The following SH3PXD2B variants were observed in gnomAD, a reference collection of about 807,000 sequenced individuals.
SH3PXD2B encodes SH3 and PX domains 2B.
In SH3PXD2B, 37 loss-of-function variants were observed where a neutral mutation model predicts 73.1. The observed-to-expected ratio is 0.51, with a 90% CI of 0.39 to 0.67. The LOEUF (loss-of-function observed/expected upper bound fraction) is 0.67, where lower values mean the gene tolerates loss of function less well. Among genes scored for constraint, SH3PXD2B ranks in the 30% least tolerant of loss-of-function variants. SH3PXD2B has a pLI of 0.00. For missense variants in SH3PXD2B, 1,053 were observed against 1,197.8 expected (o/e 0.88, Z 1.78); for synonymous variants, 457 against 480.5 (o/e 0.95, Z 0.64).
At chr5:172,352,363 T>C (rs952855665) in intron 9 of SH3PXD2B, among the ~76,000 whole-genome samples, 13 of 152,032 alleles carry the variant, frequency 8.6e-5, no homozygotes, top group African/African-American at 3.1e-4. Context: ...TAGCTGGGAC[T>C]ACAGGCGTGC....
At chr5:172,359,387 C>CAAAAAAAAAAAAAAAAAAAAAAAAAAAA (rs70982393) in intron 7 of SH3PXD2B, among the ~76,000 whole-genome samples, 1 of 84,080 alleles carries the variant, frequency 1.2e-5, no homozygotes, top group African/African-American at 4.8e-5. Flanking sequence ...ACCCCCATCT[C>CAAAAAAAAAAAAAAAAAAAAAAAAAAAA]AAAAAAAAAA....
Position 172,401,168 on chromosome 5 carries a change from G to C in SH3PXD2B, c.232+5109C>G, listed in dbSNP as rs555890035. Among the ~76,000 whole-genome samples, 16 of 152,280 alleles carry C rather than the reference G, an allele frequency of 1.1e-4. No individual in the cohort carries two copies. In the South Asian group the frequency reaches 3.3e-3, roughly 32 times the overall value. Reference sequence around the variant, plus strand: ...AGTCTGTTATTTGGCTTGGAGATTGGGTGGTGAGTCTCGAACATCACATTC... The same window carrying C: ...AGTCTGTTATTTGGCTTGGAGATTGCGTGGTGAGTCTCGAACATCACATTC... On this transcript the variant is annotated intron_variant, in intron 3 of 12. Coordinates refer to ENST00000311601, the MANE Select transcript of SH3PXD2B (RefSeq NM_001017995.3).
intron 7 of SH3PXD2B, 67 bp from the exon 8 acceptor site, chr5:172,358,944 TA>T: frequency 1.4e-6 from 2 of 1,441,292 alleles, no homozygotes; most frequent in Non-Finnish European, 1.9e-6. Flanking sequence ...CAGAACATAA[TA>T]ATCTATTCAG....
At chr5:172,434,999 G>A (rs1435838182) in intron 1 of SH3PXD2B, among the ~76,000 whole-genome samples, 1 of 151,984 alleles carries the variant, frequency 6.6e-6, no homozygotes, top group African/African-American at 2.4e-5. Flanking sequence ...TGCTCAGGCT[G>A]GTCTCAAACT....
At chr5:172,348,687 CTAT>C (rs750774359) in intron 10 of SH3PXD2B, among the ~76,000 whole-genome samples, 1,419 of 44,518 alleles carry the variant, frequency 0.032, 19 homozygotes, top group South Asian at 0.11. Flanking sequence ...ATCTATCTAT[CTAT>C]CTATCTATCT....
intron 6 of SH3PXD2B, among the ~76,000 whole-genome samples, chr5:172,364,547 C>G (rs577531967): frequency 1.3e-4 from 20 of 152,268 alleles, no homozygotes; most frequent in Non-Finnish European, 2.1e-4. Flanking sequence ...CGCCTGTAGT[C>G]CCAGCTACTC....
At chr5:172,345,068 A>AAGGAGGGAGGGAC in intron 12 of SH3PXD2B, among the ~76,000 whole-genome samples, 1 of 147,102 alleles carries the variant, frequency 6.8e-6, no homozygotes, top group African/African-American at 2.6e-5. Context: ...AGGAGGAAGG[A>AAGGAGGGAGGGAC]GGAAGGAAGG....
At chr5:172,435,597 A>T (rs549104883) in intron 1 of SH3PXD2B, among the ~76,000 whole-genome samples, 132 of 152,134 alleles carry the variant, frequency 8.7e-4, no homozygotes, top group Admixed American at 3.6e-3. Context: ...TAATAAACAA[A>T]TTTTTTTGTA....
At chr5:172,348,681 A>ATCTGTCTG (rs1757075186) in intron 10 of SH3PXD2B, among the ~76,000 whole-genome samples, 1 of 42,368 alleles carries the variant, frequency 2.4e-5, no homozygotes, top group African/African-American at 6.3e-5. Context: ...CTATCTATCT[A>ATCTGTCTG]TCTATCTATC....
At chr5:172,355,943 C>G (rs1368865422) in intron 8 of SH3PXD2B, among the ~76,000 whole-genome samples, 1 of 152,142 alleles carries the variant, frequency 6.6e-6, no homozygotes, top group African/African-American at 2.4e-5. Flanking sequence ...AGACTGCAGG[C>G]CTGCGGGGGC....
At chr5:172,347,923 C>G (rs1470985118) in intron 10 of SH3PXD2B, among the ~76,000 whole-genome samples, 2 of 152,168 alleles carry the variant, frequency 1.3e-5, no homozygotes, top group South Asian at 2.1e-4. Context: ...GGTTTATACT[C>G]TCGAGGCAGC....
chr5:172,366,046 C>T (rs1242949669), intron 6 of SH3PXD2B, among the ~76,000 whole-genome samples: 1 of 152,214 alleles, frequency 6.6e-6, no homozygotes, highest in African/African-American at 2.4e-5. Context: ...GCACCCACTT[C>T]ACAGCCAGGT....
At chr5:172,400,079 C>T (rs1758392714) in intron 3 of SH3PXD2B, among the ~76,000 whole-genome samples, 2 of 152,174 alleles carry the variant, frequency 1.3e-5, no homozygotes, top group South Asian at 4.1e-4. Context: ...CAAGTCTGGG[C>T]TACTTATCTT....
At position 172,406,332 on chromosome 5, in the gene SH3PXD2B, A is replaced by G; in HGVS notation, c.177T>C (p.Phe59=). ...GGTCCTTCTGTCCTCCTTCCATGGGAAATTTGTCCAACATCTGCATCTAAG... is the reference window on the plus strand; with the variant it reads ...GGTCCTTCTGTCCTCCTTCCATGGGGAATTTGTCCAACATCTGCATCTAAG... ...FDLQMQMLDK[F]PMEGGQKDPK... Residue 59 remains phenylalanine (F), a synonymous_variant, in exon 3 of 13, where the codon TTT becomes TTC. Coordinates refer to ENST00000311601, the MANE Select transcript of SH3PXD2B (RefSeq NM_001017995.3). 6.2e-7 allele frequency: 1 copy of G among 1,614,060 alleles called. No homozygotes were observed. Among genetic ancestry groups the G allele is most frequent in the Non-Finnish European group, 8.5e-7 (1 of 1,179,998 alleles).
intron 8 of SH3PXD2B, among the ~76,000 whole-genome samples, chr5:172,354,690 G>A (rs544956788): frequency 5.9e-5 from 9 of 152,214 alleles, no homozygotes; most frequent in Admixed American, 3.9e-4. Context: ...CTGCGGACAC[G>A]GTGCACAATT....
rs957660915 is a variant in SH3PXD2B at position 172,345,741 on chromosome 5, G to C, written c.1188+395C>G. ...AAGAACGGAGGTGGGAGGTGGTAAA[G>C]AAAGGCATACAGCCAGTCACACAAG... On this transcript the variant is annotated intron_variant, in intron 12 of 12. Coordinates refer to ENST00000311601, the MANE Select transcript of SH3PXD2B (RefSeq NM_001017995.3). Among the ~76,000 whole-genome samples the C allele has an allele frequency of 3.3e-5, 5 of 152,194 alleles. No individual in the cohort carries two copies. In the East Asian group the frequency reaches 9.6e-4, roughly 29 times the overall value.
intron 1 of SH3PXD2B, among the ~76,000 whole-genome samples, chr5:172,434,197 C>T (rs775339889): frequency 6.6e-6 from 1 of 152,178 alleles, no homozygotes; most frequent in Non-Finnish European, 1.5e-5. Context: ...TTGATCATTA[C>T]ACCCTCTATG....
intron 2 of SH3PXD2B, among the ~76,000 whole-genome samples, chr5:172,419,266 G>A (rs962864071): frequency 6.6e-6 from 1 of 152,008 alleles, no homozygotes; most frequent in Non-Finnish European, 1.5e-5. Flanking sequence ...GCCTGGACGC[G>A]TGCCTCGACA....
At chr5:172,378,811 C>T (rs930402189) in intron 5 of SH3PXD2B, among the ~76,000 whole-genome samples, 1 of 152,150 alleles carries the variant, frequency 6.6e-6, no homozygotes, top group Non-Finnish European at 1.5e-5. Flanking sequence ...TGGCTCATGC[C>T]TGTAATCCCA....
Sources: allele counts gnomAD v4.1 joint callset (sites outside exome capture counted in the v4.1 genomes callset), GRCh38; gene constraint gnomAD v4.1.1; transcripts MANE v1.5; gene names NCBI Gene and HGNC (gene_info 2026-07-23, HGNC 2026-07-21).